CAMKK2: variants seen among roughly 807,000 people sequenced by gnomAD.
CAMKK2 encodes the protein calcium/calmodulin dependent protein kinase kinase 2, also known as calcium/calmodulin-dependent protein kinase kinase 2.
Under a neutral mutation model 67.2 loss-of-function variants are expected in CAMKK2, and 30 were observed. That is an observed-to-expected ratio of 0.45 (90% CI 0.33 to 0.61). CAMKK2 has a LOEUF of 0.61. Ranked by LOEUF, CAMKK2 falls within the 20% of genes least tolerant of loss-of-function variation. CAMKK2 has a pLI of 0.02. For missense variants in CAMKK2, 643 were observed against 802.0 expected, an observed-to-expected ratio of 0.80 and a Z score of 2.39; for synonymous variants, 322 against 326.2, an observed-to-expected ratio of 0.99 and a Z score of 0.14.
intron 3 of CAMKK2, 143 bp downstream of exon 3, chr12:121,270,755 C>G (rs891074414): frequency 1.6e-6 from 1 of 634,720 alleles, no homozygotes; most frequent in African/African-American, 1.8e-5. Flanking sequence ...AACCAAAAAC[C>G]TAGATCATTA....
Position 121,265,402 on chromosome 12 carries a change from C to T in CAMKK2, c.626-1463G>A, listed in dbSNP as rs545788134. Among the ~76,000 whole-genome samples the T allele has an allele frequency of 1.1e-4, 16 of 152,214 alleles. No homozygotes were observed. In the South Asian group the frequency reaches 3.3e-3, roughly 32 times the overall value. On this transcript the variant is annotated intron_variant, in intron 5 of 16. Coordinates refer to ENST00000404169, the MANE Select transcript of CAMKK2 (RefSeq NM_001270485.2). ...ACAGAGGAGCTGACCATCAGGAGAG[C>T]GTTCCACTGCCTGCTGGGGAAAGGG...
intron 14 of CAMKK2, among the ~76,000 whole-genome samples, chr12:121,247,584 G>A (rs187377319): frequency 2.2e-4 from 33 of 152,310 alleles, no homozygotes; most frequent in Admixed American, 5.9e-4. Context: ...GTTGAGGAAG[G>A]GTGAGTGGGT....
chr12:121,244,760 T>A, intron 15 of CAMKK2, 145 bp from the exon 16 acceptor site: 1 of 660,642 alleles, frequency 1.5e-6, no homozygotes, highest in Non-Finnish European at 2.6e-6. Context: ...AGCAGATGAG[T>A]GGACACCTCT....
intron 9 of CAMKK2, among the ~76,000 whole-genome samples, chr12:121,254,843 CTGAG>C (rs1242803074): frequency 1.2e-4 from 18 of 152,134 alleles, no homozygotes; most frequent in Non-Finnish European, 2.5e-4. Context: ...ATGGTTGATA[CTGAG>C]TGTCAACTTG....
At chr12:121,273,781 G>T (rs1265594265) in intron 2 of CAMKK2, among the ~76,000 whole-genome samples, 2 of 152,082 alleles carry the variant, frequency 1.3e-5, no homozygotes, top group Non-Finnish European at 2.9e-5. Flanking sequence ...AGGGTCCCAC[G>T]GAAGGAAAAA....
upstream of CAMKK2, chr12:121,297,491 T>C (rs200252212): frequency 1.2e-5 from 5 of 428,048 alleles, no homozygotes; most frequent in Non-Finnish European, 1.9e-5. Context: ...TAGATGCTTT[T>C]TGTGAAATAC....
At chr12:121,246,264 A>AGGGGGGGGGGGGG (rs1889444105) in intron 14 of CAMKK2, among the ~76,000 whole-genome samples, 1 of 97,210 alleles carries the variant, frequency 1.0e-5, no homozygotes, top group Non-Finnish European at 2.1e-5. Flanking sequence ...GGGGGGGGGG[A>AGGGGGGGGGGGGG]GGCGGGCGTG....
chr12:121,244,551 G>T (rs200503736), intron 16 of CAMKK2, 22 bp downstream of exon 16: 4 of 1,556,654 alleles, frequency 2.6e-6, no homozygotes, highest in East Asian at 4.8e-5. Context: ...CAGAGGCTAC[G>T]GCACAGGCAG....
intron 1 of CAMKK2, among the ~76,000 whole-genome samples, chr12:121,293,717 T>G (rs1900578267): frequency 6.6e-6 from 1 of 151,558 alleles, no homozygotes; most frequent in Admixed American, 6.6e-5. Flanking sequence ...CCCCTTCCCC[T>G]CCTACTCCCA....
chr12:121,275,971 C>T (rs1896716451), intron 1 of CAMKK2, among the ~76,000 whole-genome samples: 1 of 151,928 alleles, frequency 6.6e-6, no homozygotes, highest in African/African-American at 2.4e-5. Flanking sequence ...GCCAGCCTGA[C>T]CAACATGGTG....
intron 5 of CAMKK2, among the ~76,000 whole-genome samples, chr12:121,266,213 C>T (rs904687537): frequency 6.6e-6 from 1 of 152,106 alleles, no homozygotes; most frequent in South Asian, 2.1e-4. Context: ...CGTGAGCCAC[C>T]GCTCCCGGCC....
intron 1 of CAMKK2, among the ~76,000 whole-genome samples, chr12:121,292,393 T>C (rs1319222966): frequency 6.6e-6 from 1 of 152,166 alleles, no homozygotes; most frequent in African/African-American, 2.4e-5. Flanking sequence ...CCTCCCAAAG[T>C]GCTGGGATTA....
chr12:121,279,556 T>A (rs1897367697), intron 1 of CAMKK2, among the ~76,000 whole-genome samples: 1 of 152,248 alleles, frequency 6.6e-6, no homozygotes, highest in Admixed American at 6.5e-5. Flanking sequence ...GATAACCGCC[T>A]GGCCATGTAA....
intron 3 of CAMKK2, among the ~76,000 whole-genome samples, chr12:121,270,123 G>A (rs1385308311): frequency 1.3e-5 from 2 of 149,636 alleles, no homozygotes; most frequent in East Asian, 4.0e-4. Context: ...TGTAATCCCA[G>A]CACTTTGGGA....
At chr12:121,277,129 C>G (rs1205040222) in intron 1 of CAMKK2, among the ~76,000 whole-genome samples, 3 of 152,090 alleles carry the variant, frequency 2.0e-5, no homozygotes, top group Non-Finnish European at 4.4e-5. Context: ...GAAATAGCTA[C>G]TACGCCAGGC....
At chr12:121,291,776 G>A (rs973146159) in intron 1 of CAMKK2, among the ~76,000 whole-genome samples, 1 of 152,158 alleles carries the variant, frequency 6.6e-6, no homozygotes, top group Non-Finnish European at 1.5e-5. Context: ...GTTAAGTTTG[G>A]GCTGGGCATG....
chr12:121,255,511 T>C, intron 9 of CAMKK2, 39 bp downstream of exon 9: 1 of 1,535,986 alleles, frequency 6.5e-7, no homozygotes, highest in Non-Finnish European at 8.9e-7. Flanking sequence ...GAATGCTAAC[T>C]ACCCACTGGG....
chr12:121,280,529 C>T (rs372928160), intron 1 of CAMKK2, among the ~76,000 whole-genome samples: 9 of 152,184 alleles, frequency 5.9e-5, no homozygotes, highest in Non-Finnish European at 1.0e-4. Context: ...CTCTGATCGC[C>T]GGTGAGCCGG....
At chr12:121,275,489 C>CAAAAAAA (rs10669562) in intron 1 of CAMKK2, among the ~76,000 whole-genome samples, 4 of 63,966 alleles carry the variant, frequency 6.3e-5, no homozygotes, top group African/African-American at 2.2e-4. Flanking sequence ...AAGACTGTCT[C>CAAAAAAA]AAAAAAAAAA....
Sources: allele counts gnomAD v4.1 joint callset (sites outside exome capture counted in the v4.1 genomes callset), GRCh38; gene constraint gnomAD v4.1.1; transcripts MANE v1.5; gene names NCBI Gene and HGNC (gene_info 2026-07-23, HGNC 2026-07-21).